IMPA1: variants seen among roughly 807,000 people sequenced by gnomAD.
The protein encoded by IMPA1 is D-galactose 1-phosphate phosphatase.
Under a neutral mutation model 34.9 loss-of-function variants are expected in IMPA1, and 21 were observed. That is an observed-to-expected ratio of 0.60 (90% confidence interval 0.43 to 0.87). The LOEUF (loss-of-function observed/expected upper bound fraction) is 0.87, where lower values mean the gene tolerates loss of function less well. IMPA1 is among the 40% of genes least tolerant of loss of function. The pLI is 0.00. For missense variants in IMPA1, 299 were observed against 336.4 expected (o/e 0.89, Z 0.87); for synonymous variants, 95 against 104.4 (o/e 0.91, Z 0.55).
At chr8:81,680,494 G>C (rs930408628) in intron 3 of IMPA1, among the ~76,000 whole-genome samples, 156 bp downstream of exon 3, 1 of 152,212 alleles carries the variant, frequency 6.6e-6, no homozygotes, top group Non-Finnish European at 1.5e-5. Flanking sequence ...TTCAGTTCCA[G>C]TCCAACCTTC....
At chr8:81,677,370 C>T (rs762911766) in intron 4 of IMPA1, among the ~76,000 whole-genome samples, 18 of 152,226 alleles carry the variant, frequency 1.2e-4, no homozygotes, top group Non-Finnish European at 2.1e-4. Context: ...GCTGGGATTA[C>T]AGGCATGAGC....
intron 5 of IMPA1, among the ~76,000 whole-genome samples, chr8:81,675,341 C>T (rs993604130): frequency 6.6e-6 from 1 of 151,642 alleles, no homozygotes; most frequent in African/African-American, 2.4e-5. Context: ...AAGATTTTCC[C>T]AACCCACTCT....
At chr8:81,674,977 C>T (rs1364443775) in intron 5 of IMPA1, 4 of 384,172 alleles carry the variant, frequency 1.0e-5, no homozygotes, top group Admixed American at 3.1e-5. Context: ...CTACTTAGTT[C>T]ACCCACACCC....
At chr8:81,665,480 A>C (rs1020901725) in intron 7 of IMPA1, among the ~76,000 whole-genome samples, 1 of 152,176 alleles carries the variant, frequency 6.6e-6, no homozygotes, top group Non-Finnish European at 1.5e-5. Flanking sequence ...AAAGAGACAG[A>C]GAGAAAATGG....
At chr8:81,667,433 G>T (rs1806860030) in intron 7 of IMPA1, among the ~76,000 whole-genome samples, 1 of 152,134 alleles carries the variant, frequency 6.6e-6, no homozygotes, top group Admixed American at 6.5e-5. Context: ...CTTTTAAGAG[G>T]TATTAGGTCA....
intron 7 of IMPA1, 57 bp from the exon 8 acceptor site, chr8:81,660,724 T>G: frequency 7.0e-7 from 1 of 1,424,200 alleles, no homozygotes; most frequent in Admixed American, 1.9e-5. Flanking sequence ...AAGTAAGATA[T>G]TCCTCCTTAA....
chr8:81,663,130 A>C (rs1018557844), intron 7 of IMPA1, among the ~76,000 whole-genome samples: 1 of 152,222 alleles, frequency 6.6e-6, no homozygotes, highest in Non-Finnish European at 1.5e-5. Context: ...AAAAATCTGA[A>C]GTAAAAATTA....
rs769663422 is a variant in IMPA1, at chr8:81,670,988, T to C, written c.517A>G (p.Arg173Gly). 3 of 1,536,598 alleles carry C rather than the reference T, an allele frequency of 2.0e-6. No homozygotes were observed. Among genetic ancestry groups the C allele is most frequent in the Non-Finnish European group, 2.6e-6 (3 of 1,153,132 alleles). ...TTTTCCATATTAGAAAGAACCATTCTCACAGTCTCTGGTGTTCTGGAAGAG... is the reference window on the plus strand; with the variant it reads ...TTTTCCATATTAGAAAGAACCATTCCCACAGTCTCTGGTGTTCTGGAAGAG... ...LGSSRTPETV[R>G]MVLSNMEKLF... is the part of the protein sequence containing the mutation. Residue 173 changes from arginine to glycine, a missense_variant, in exon 7 of 9, where the codon AGA becomes GGA. By Grantham distance (125) the Arg-to-Gly change is moderately radical. Coordinates refer to ENST00000256108, the MANE Select transcript of IMPA1 (RefSeq NM_005536.4).
intron 7 of IMPA1, 112 bp from the exon 8 acceptor site, chr8:81,660,779 G>A: frequency 1.5e-6 from 1 of 680,746 alleles, no homozygotes; most frequent in Non-Finnish European, 2.3e-6. Context: ...CGATCTAGAG[G>A]ATAAAGATTT....
chr8:81,662,208 C>T (rs1173782380), intron 7 of IMPA1, among the ~76,000 whole-genome samples: 4 of 152,196 alleles, frequency 2.6e-5, no homozygotes, highest in Non-Finnish European at 2.9e-5. Flanking sequence ...ACTTTAGTGG[C>T]AGTTTTTTAG....
intron 1 of IMPA1, among the ~76,000 whole-genome samples, chr8:81,682,748 T>C (rs987615269): frequency 2.6e-5 from 4 of 152,114 alleles, no homozygotes; most frequent in African/African-American, 9.7e-5. Flanking sequence ...ACCCCCGCCT[T>C]CTAACAGCAC....
At chr8:81,686,079 C>T (rs1807515354) in intron 1 of IMPA1, 173 bp downstream of exon 1, 2 of 976,236 alleles carry the variant, frequency 2.0e-6, no homozygotes, top group South Asian at 2.3e-5. Flanking sequence ...TCCCGGTCGC[C>T]CAGGGCAGCT....
intron 6 of IMPA1, 141 bp from the exon 7 acceptor site, chr8:81,671,188 A>G (rs1460339338): frequency 6.3e-6 from 3 of 476,784 alleles, no homozygotes; most frequent in Non-Finnish European, 1.1e-5. Flanking sequence ...ATACTGATAA[A>G]TTAATTATCC....
chr8:81,658,474 C>A lies in IMPA1; in HGVS notation c.*877G>T, dbSNP rs1377285670. ...ACACCTTTAAAACATGAATACTGAA[C>A]TTAGTAAAATGTTATATTGTATCTA... On this transcript the variant is annotated 3_prime_UTR_variant, in exon 9 of 9. Transcript: ENST00000256108. The A allele has an allele frequency of 6.6e-6, 1 of 152,390 alleles. No individual in the cohort carries two copies. The highest frequency in any genetic ancestry group is 1.5e-5 in the Non-Finnish European group (1 of 68,018). 9.4% of individuals were successfully genotyped at this position (152,390 alleles called of 1,614,324 possible).
chr8:81,685,365 AT>A, intron 1 of IMPA1, among the ~76,000 whole-genome samples: 1 of 138,242 alleles, frequency 7.2e-6, no homozygotes, highest in Non-Finnish European at 1.5e-5. Context: ...ATATGTAAGT[AT>A]ATTTATGTAC....
intron 7 of IMPA1, among the ~76,000 whole-genome samples, chr8:81,670,323 A>C (rs1454973900): frequency 6.6e-6 from 1 of 152,154 alleles, no homozygotes; most frequent in Non-Finnish European, 1.5e-5. Flanking sequence ...TATCTACATC[A>C]ATAAACATAA....
intron 4 of IMPA1, among the ~76,000 whole-genome samples, chr8:81,678,401 C>T (rs1422747336): frequency 6.6e-6 from 1 of 152,030 alleles, no homozygotes; most frequent in Non-Finnish European, 1.5e-5. Context: ...TCTTTGAAAA[C>T]ATATCTTTGG....
intron 2 of IMPA1, 54 bp from the exon 3 acceptor site, chr8:81,680,837 A>C: frequency 7.8e-7 from 1 of 1,283,752 alleles, no homozygotes. Flanking sequence ...AAACAAAAAG[A>C]TAAAATACAT....
intron 5 of IMPA1, 143 bp downstream of exon 5, chr8:81,676,089 AAC>A (rs1438434886): frequency 4.7e-5 from 18 of 384,822 alleles, no homozygotes; most frequent in African/African-American, 2.1e-4. Flanking sequence ...TGAAAATTTT[AAC>A]AGTCCTGTAG....
Sources: allele counts gnomAD v4.1 joint callset (sites outside exome capture counted in the v4.1 genomes callset), GRCh38; gene constraint gnomAD v4.1.1; transcripts MANE v1.5; gene names NCBI Gene and HGNC (gene_info 2026-07-23, HGNC 2026-07-21).